The following GRID2 variants were observed in gnomAD, a reference collection of about 807,000 sequenced individuals.
GRID2 encodes glutamate receptor ionotropic, delta-2.
GRID2 carries 33 observed loss-of-function variants against 114.8 expected under a neutral mutation model. The ratio of observed to expected loss-of-function variants is 0.29; its 90% confidence interval spans 0.22 to 0.38. GRID2 has a LOEUF of 0.38. Among genes scored for constraint, GRID2 ranks in the 10% least tolerant of loss-of-function variants. GRID2 has a pLI of 1.00. For missense variants in GRID2, 1,184 were observed against 1,257.7 expected (o/e 0.94, Z 0.89); for synonymous variants, 505 against 449.9 (o/e 1.12, Z -1.55).
intron 2 of GRID2, among the ~76,000 whole-genome samples, chr4:92,706,673 G>GA: frequency 6.6e-6 from 1 of 152,192 alleles, no homozygotes; most frequent in East Asian, 1.9e-4. Flanking sequence ...CTGCCTCCAG[G>GA]AAAAATTCCT....
chr4:93,725,000 A>G (rs1006090718), intron 14 of GRID2, among the ~76,000 whole-genome samples: 3 of 151,960 alleles, frequency 2.0e-5, no homozygotes, highest in African/African-American at 4.8e-5. Context: ...TATTATTATT[A>G]TACTTTAAGT....
chr4:92,659,857 T>A (rs1405141122), intron 2 of GRID2, among the ~76,000 whole-genome samples: 2 of 151,470 alleles, frequency 1.3e-5, no homozygotes, highest in Non-Finnish European at 3.0e-5. Context: ...GTAAGCAGCA[T>A]GTGGAAAGAC....
intron 3 of GRID2, among the ~76,000 whole-genome samples, chr4:93,105,021 C>T (rs1386206958): frequency 1.3e-5 from 2 of 151,862 alleles, no homozygotes; most frequent in Non-Finnish European, 1.5e-5. Flanking sequence ...GAGATGGTAT[C>T]TCATTGTGGT....
intron 1 of GRID2, among the ~76,000 whole-genome samples, chr4:92,496,640 G>GT (rs201284260): frequency 1.9e-4 from 28 of 150,682 alleles, no homozygotes; most frequent in East Asian, 1.4e-3. Context: ...AATTATTGGA[G>GT]TTTTTTTTTA....
intron 2 of GRID2, among the ~76,000 whole-genome samples, chr4:93,001,500 AATAAG>A (rs1476457153): frequency 6.6e-6 from 1 of 151,766 alleles, no homozygotes; most frequent in Non-Finnish European, 1.5e-5. Context: ...TATAGGAATA[AATAAG>A]ATATCAAATA....
chr4:92,479,228 C>T (rs946749606), intron 1 of GRID2, among the ~76,000 whole-genome samples: 1 of 152,056 alleles, frequency 6.6e-6, no homozygotes, highest in African/African-American at 2.4e-5. Flanking sequence ...TTTGTGCACG[C>T]TATGGAAATA....
intron 11 of GRID2, among the ~76,000 whole-genome samples, chr4:93,457,849 A>T (rs1367714464): frequency 6.6e-6 from 1 of 152,246 alleles, no homozygotes; most frequent in Admixed American, 6.5e-5. Flanking sequence ...GAGATGATAC[A>T]TTCATTCTGC....
intron 2 of GRID2, among the ~76,000 whole-genome samples, chr4:92,826,460 T>G (rs1320073255): frequency 1.3e-5 from 2 of 152,100 alleles, no homozygotes; most frequent in Non-Finnish European, 2.9e-5. Flanking sequence ...ATAACATGTT[T>G]CAGTTTTTAA....
intron 13 of GRID2, among the ~76,000 whole-genome samples, chr4:93,543,942 G>T (rs1371244248): frequency 4.6e-5 from 7 of 152,046 alleles, no homozygotes; most frequent in South Asian, 2.1e-4. Flanking sequence ...CTATAAACTT[G>T]CTTTTTATAT....
intron 8 of GRID2, among the ~76,000 whole-genome samples, chr4:93,284,334 C>T (rs1383655505): frequency 1.1e-4 from 16 of 151,936 alleles, no homozygotes; most frequent in Non-Finnish European, 4.4e-5. Flanking sequence ...AGGGGATCAA[C>T]ACACATTGGG....
At chr4:92,694,069 C>T (rs1233067584) in intron 2 of GRID2, among the ~76,000 whole-genome samples, 2 of 152,044 alleles carry the variant, frequency 1.3e-5, no homozygotes, top group African/African-American at 4.8e-5. Flanking sequence ...AGAATACAAG[C>T]ATACAAAACA....
At chr4:93,061,954 A>G (rs1000773355) in intron 2 of GRID2, among the ~76,000 whole-genome samples, 9 of 152,148 alleles carry the variant, frequency 5.9e-5, no homozygotes, top group African/African-American at 2.2e-4. Context: ...TAGACTAAGA[A>G]TAGCCTCAAC....
At chr4:92,578,275 C>T (rs1453190015) in intron 1 of GRID2, among the ~76,000 whole-genome samples, 14 of 103,496 alleles carry the variant, frequency 1.4e-4, no homozygotes, top group African/African-American at 4.5e-4. Flanking sequence ...CCCCTCCCCC[C>T]ACCCCACAAC....
At chr4:92,825,836 T>A (rs948750428) in intron 2 of GRID2, among the ~76,000 whole-genome samples, 1 of 152,120 alleles carries the variant, frequency 6.6e-6, no homozygotes, top group Non-Finnish European at 1.5e-5. Flanking sequence ...TTCATGTTCT[T>A]AGCAACACTG....
At chr4:93,426,631 A>G (rs1768873270) in intron 10 of GRID2, among the ~76,000 whole-genome samples, 1 of 152,122 alleles carries the variant, frequency 6.6e-6, no homozygotes, top group African/African-American at 2.4e-5. Flanking sequence ...TGGTAAGATC[A>G]CTTCCAAATA....
At chr4:93,686,494 GA>G (rs373163701) in intron 14 of GRID2, among the ~76,000 whole-genome samples, 10,074 of 145,122 alleles carry the variant, frequency 0.069, 647 homozygotes, top group African/African-American at 0.17. Flanking sequence ...CAGACGAATA[GA>G]AAAAAAAAAA....
intron 2 of GRID2, among the ~76,000 whole-genome samples, chr4:92,648,369 CAG>C (rs762131245): frequency 1.5e-4 from 22 of 149,658 alleles, no homozygotes; most frequent in Non-Finnish European, 3.1e-4. Context: ...CTATTGATCT[CAG>C]TATCTTATGT....
intron 14 of GRID2, among the ~76,000 whole-genome samples, chr4:93,645,835 T>G (rs1156336399): frequency 6.6e-6 from 1 of 152,222 alleles, no homozygotes; most frequent in Non-Finnish European, 1.5e-5. Context: ...TCAAATATAT[T>G]CTAAATTCTT....
intron 2 of GRID2, among the ~76,000 whole-genome samples, chr4:92,910,760 A>G (rs551184000): frequency 2.0e-5 from 3 of 152,138 alleles, no homozygotes; most frequent in African/African-American, 4.8e-5. Flanking sequence ...TAACCTATGC[A>G]TATACTCCTG....
Sources: allele counts gnomAD v4.1 joint callset (sites outside exome capture counted in the v4.1 genomes callset), GRCh38; gene constraint gnomAD v4.1.1; transcripts MANE v1.5; gene names NCBI Gene and HGNC (gene_info 2026-07-23, HGNC 2026-07-21).